Variants in PKM observed in about 807,000 individuals in gnomAD.
PKM encodes the protein pyruvate kinase M1/2, also known as pyruvate kinase PKM.
PKM carries 18 observed loss-of-function variants against 49.8 expected under a neutral mutation model. The ratio of observed to expected loss-of-function variants is 0.36; its 90% CI spans 0.25 to 0.54. PKM has a LOEUF of 0.54. Ranked by LOEUF, PKM falls within the 20% of genes least tolerant of loss-of-function variation. The probability of loss-of-function intolerance (pLI) is 0.89; values close to 1 mark genes in which losing one functional copy is unlikely to be tolerated. For synonymous variants in PKM, 239 were observed against 261.8 expected (o/e 0.91, Z 0.84); for missense variants, 508 against 713.8 (o/e 0.71, Z 3.28).
At chr15:72,230,812 A>G in intron 1 of PKM, 1 of 567,820 alleles carries the variant, frequency 1.8e-6, no homozygotes, top group Non-Finnish European at 2.8e-6. Context: ...GCGAGGATGG[A>G]GGCGCATTGA....
Position 72,199,499 on chromosome 15 carries a change from G to T in PKM, c.*151C>A, listed in dbSNP as rs1156342332. 3 of 713,826 alleles carry T rather than the reference G, an allele frequency of 4.2e-6. No homozygotes were observed. The African/African-American group carries it at 5.2e-5, about 12-fold the overall frequency. 44.2% of individuals were successfully genotyped at this position (713,826 alleles called of 1,614,324 possible). ...TAGAGCAGGCTGCAAACACAGCCATGTTTCAGTGAGGCGTTGATCTTCTTC... is the reference window on the plus strand; with the variant it reads ...TAGAGCAGGCTGCAAACACAGCCATTTTTCAGTGAGGCGTTGATCTTCTTC... On this transcript the variant is annotated 3_prime_UTR_variant, in exon 11 of 11. Coordinates refer to ENST00000335181, the MANE Select transcript of PKM (RefSeq NM_002654.6).
In PKM at chr15:72,202,438, C is replaced by T. The variant is rs775571484; in HGVS notation, c.1307+16G>A. 145 of 1,609,076 alleles carry T rather than the reference C, an allele frequency of 9.0e-5. No homozygotes were observed. Among genetic ancestry groups the T allele is most frequent in the Non-Finnish European group, 1.2e-4 (137 of 1,178,516 alleles). On this transcript the variant is annotated intron_variant, in intron 9 of 10. Transcript: ENST00000335181. The surrounding 1 kb of genome is among the most constrained non-coding windows in gnomAD (Gnocchi z 4.5). ...CACTGAGCAGGGCATTCCAGGGAGCCGCTGCCGCCTCCTACCTGCCAGACT... is the reference window on the plus strand; with the variant it reads ...CACTGAGCAGGGCATTCCAGGGAGCTGCTGCCGCCTCCTACCTGCCAGACT...
In PKM at chr15:72,200,381, T is replaced by C; in HGVS notation, c.1489+93A>G. 8.2e-7 allele frequency: 1 copy of C among 1,215,796 alleles called. No individual in the cohort carries two copies. The highest frequency in any genetic ancestry group is 1.2e-5 in the South Asian group (1 of 80,202). The allele number at this position is 1,215,796 out of a possible 1,614,324, so 75.3% of individuals were successfully genotyped here. ...CCCCACTAAGGTCTGTGTGTTCCCC[T>C]TTCTATTCCCCAAACTTTCGGGGTC... is the stretch of plus-strand genomic sequence containing the variant. On this transcript the variant is annotated intron_variant, in intron 10 of 10. Coordinates refer to ENST00000335181, the MANE Select transcript of PKM (RefSeq NM_002654.6). This position sits in a 1 kb window ranked among gnomAD's most constrained non-coding sequence, Gnocchi z 4.6.
chr15:72,206,605 T>G, intron 8 of PKM, 123 bp downstream of exon 8: 1 of 988,978 alleles, frequency 1.0e-6, no homozygotes, highest in Non-Finnish European at 1.6e-6. Context: ...TGCTGTAACT[T>G]GGAGGATAAT....
rs1287932043 is a variant in PKM at position 72,202,766 on chromosome 15, A to T, written c.1141-146T>A. 1 of 762,572 alleles carries T rather than the reference A, an allele frequency of 1.3e-6. No individual in the cohort carries two copies. The highest frequency in any genetic ancestry group is 2.2e-5 in the Admixed American group (1 of 46,390). 47.2% of individuals were successfully genotyped at this position (762,572 alleles called of 1,614,324 possible). A position where few individuals can be genotyped will look rare whatever the true frequency, so the allele number is the denominator to read the frequency against. On this transcript the variant is annotated intron_variant, in intron 8 of 10. Coordinates refer to ENST00000335181, the MANE Select transcript of PKM (RefSeq NM_002654.6). The surrounding 1 kb of genome is among the most constrained non-coding windows in gnomAD (Gnocchi z 4.5). The stretch of plus-strand genomic sequence containing the variant: ...AACAAAGGCCAAGAGGAGCCCAATC[A>T]CTGGAGATTCTGAGCTGAGCCAAGA...
At chr15:72,221,098 C>A in intron 1 of PKM, 1 of 858,384 alleles carries the variant, frequency 1.2e-6, no homozygotes, top group East Asian at 2.6e-5. Context: ...TCAGCTGGCT[C>A]TTCTTAGACC....
chr15:72,200,630 G>A lies in PKM; in HGVS notation c.1333C>T (p.Arg445Cys), dbSNP rs770777456. The A allele has an allele frequency of 2.5e-6, 4 of 1,613,058 alleles. No homozygotes were observed. Among genetic ancestry groups the A allele is most frequent in the Admixed American group, 1.7e-5 (1 of 59,996 alleles). The change falls in exon 10 of 11, where the codon CGC (arginine) becomes TGC (cysteine). Residue 445 changes from arginine (R) to cysteine (C), a missense_variant. Arg to Cys is a radical substitution (Grantham distance 180). Coordinates refer to ENST00000335181, the MANE Select transcript of PKM (RefSeq NM_002654.6). The surrounding 1 kb of genome is among the most constrained non-coding windows in gnomAD (Gnocchi z 4.6). ...ACAGCAATGATGGGGGCACGTGGGC[G>A]GTATCTGGCCACCTGGTGAGCAGAC... ...GRSAHQVARY[R>C]PRAPIIAVTR...
In PKM at chr15:72,208,624, C is replaced by A. The variant is rs147032160; in HGVS notation, c.833G>T (p.Arg278Leu). Residue 278 changes from arginine to leucine, a missense_variant, in exon 6 of 11, where the codon CGG becomes CTG. Arg to Leu is a moderately radical substitution (Grantham distance 102, BLOSUM62 -2). Transcript: ENST00000335181. Reference sequence around the variant, plus strand: ...AGCAGGGACAACGGGGACTTGCCTCCGAACCCCCTCATGATTCTCGATTTT... The same window carrying A: ...AGCAGGGACAACGGGGACTTGCCTCAGAACCCCCTCATGATTCTCGATTTT... ...ISKIENHEGV[R>L]RFDEILEASD... 4.3e-6 allele frequency: 7 copies of A among 1,613,990 alleles called. No individual in the cohort carries two copies. In the South Asian group the frequency reaches 5.5e-5, roughly 13 times the overall value.
chr15:72,218,922 G>A, intron 2 of PKM, 22 bp downstream of exon 2: 1 of 1,613,708 alleles, frequency 6.2e-7, no homozygotes, highest in Non-Finnish European at 8.5e-7. Context: ...CCTTTTTTGG[G>A]GGAAGGGGCA....
At chr15:72,217,634 GT>G in intron 2 of PKM, 134 bp from the exon 3 acceptor site, 1 of 675,628 alleles carries the variant, frequency 1.5e-6, no homozygotes, top group Non-Finnish European at 2.7e-6. Context: ...TCTTTAAAAA[GT>G]GCATGGAAGG....
In PKM at chr15:72,209,864, G is replaced by C. The variant is rs759403890; in HGVS notation, c.379-5C>G. On this transcript the variant is annotated splice_region_variant and splice_polypyrimidine_tract_variant and intron_variant, in intron 4 of 10. Transcript: ENST00000335181. ...CTCCACCTCTGCAGTGCCGCTCTAGGGACAAGAGAGTAAGCAAGAGTCCAA... is the reference window on the plus strand; with the variant it reads ...CTCCACCTCTGCAGTGCCGCTCTAGCGACAAGAGAGTAAGCAAGAGTCCAA... 1 of 1,613,544 alleles carries C rather than the reference G, an allele frequency of 6.2e-7. No homozygotes were observed. Among genetic ancestry groups the C allele is most frequent in the South Asian group, 1.1e-5 (1 of 91,070 alleles).
At position 72,206,518 on chromosome 15, in the gene PKM, AG is replaced by A. The variant is rs1034033414; in HGVS notation, c.1140+209del. The A allele has an allele frequency of 6.9e-6, 4 of 581,588 alleles. No homozygotes were observed. The African/African-American group carries it at 7.7e-5, about 11-fold the overall frequency. The allele number at this position is 581,588 out of a possible 1,614,324, so 36.0% of individuals were successfully genotyped here. A position where few individuals can be genotyped will look rare whatever the true frequency, so the allele number is the denominator to read the frequency against. On this transcript the variant is annotated intron_variant, in intron 8 of 10. Coordinates refer to ENST00000335181, the MANE Select transcript of PKM (RefSeq NM_002654.6). ...ATGCCTCCAGAGCAGAAGGAAATGGAGGGGTGGGGGTGTGGGCAGGAATGCA... is the reference window on the plus strand; with the variant it reads ...ATGCCTCCAGAGCAGAAGGAAATGGAGGGTGGGGGTGTGGGCAGGAATGCA...
chr15:72,231,439 T>G (rs916297224), upstream of PKM: 1 of 152,634 alleles, frequency 6.6e-6, no homozygotes, highest in East Asian at 1.9e-4. Flanking sequence ...AGAAACCTGA[T>G]GACCAATGGG....
chr15:72,219,404 C>T (rs2082464522), intron 1 of PKM: 1 of 286,144 alleles, frequency 3.5e-6, no homozygotes, highest in South Asian at 7.7e-5. Context: ...GGCTGACTGA[C>T]ATCTACCTAG....
intron 1 of PKM, among the ~76,000 whole-genome samples, chr15:72,221,516 G>GATAT (rs1229523451): frequency 3.3e-5 from 5 of 151,612 alleles, no homozygotes; most frequent in African/African-American, 1.2e-4. Context: ...GACCTGGGAG[G>GATAT]ATATATACTG....
chr15:72,230,074 C>T (rs1204486247), intron 1 of PKM, among the ~76,000 whole-genome samples: 9 of 152,188 alleles, frequency 5.9e-5, no homozygotes, highest in African/African-American at 2.2e-4. Context: ...GGGCCCTGGG[C>T]GCGGCCGCTA....
At chr15:72,229,612 C>CT (rs1334187774) in intron 1 of PKM, 23 of 1,278,188 alleles carry the variant, frequency 1.8e-5, no homozygotes, top group Non-Finnish European at 2.3e-5. Context: ...ATCCAGTGTG[C>CT]TTGCCACCTG....
At chr15:72,209,398 T>TAC (rs1385673674) in intron 5 of PKM, 28 of 16,864 alleles carry the variant, frequency 1.7e-3, no homozygotes, top group African/African-American at 7.4e-3. Flanking sequence ...GCGAAACAAA[T>TAC]ATATATATAT....
At chr15:72,230,959 CG>C (rs1567139645) in intron 1 of PKM, 156 bp downstream of exon 1, 1 of 1,286,700 alleles carries the variant, frequency 7.8e-7, no homozygotes, top group Non-Finnish European at 1.0e-6. Flanking sequence ...CGTGAGGAGC[CG>C]TTCTCCTCTC....
Sources: gnomAD v4.1 joint callset for allele counts (sites outside exome capture counted in the v4.1 genomes callset) on GRCh38, gnomAD v4.1.1 for gene constraint, Gnocchi (gnomAD v3.1) non-coding constraint, MANE v1.5 for transcripts, NCBI Gene and HGNC (gene_info 2026-07-23, HGNC 2026-07-21) for gene names.